The following RBFOX1 variants were observed in gnomAD, a reference collection of about 807,000 sequenced individuals.
RBFOX1 encodes RNA binding fox-1 homolog 1, also known as RNA binding protein fox-1 homolog 1.
Under a neutral mutation model 57.7 loss-of-function variants are expected in RBFOX1, and 8 were observed. The ratio of observed to expected loss-of-function variants is 0.14; its 90% CI spans 0.08 to 0.25. The LOEUF (loss-of-function observed/expected upper bound fraction) is 0.25, where lower values mean the gene tolerates loss of function less well. Ranked by LOEUF, RBFOX1 falls within the 10% of genes least tolerant of loss-of-function variation. RBFOX1 has a pLI of 1.00. For missense variants in RBFOX1, 611 were observed against 548.5 expected (o/e 1.11, Z -1.14); for synonymous variants, 326 against 222.4 (o/e 1.47, Z -4.15).
intron 2 of RBFOX1, among the ~76,000 whole-genome samples, chr16:6,362,422 C>T (rs1345744732): frequency 1.3e-5 from 2 of 152,102 alleles, no homozygotes; most frequent in African/African-American, 4.8e-5. Context: ...ATAAATAATA[C>T]ATGGTCAGGG....
chr16:5,610,480 A>T (rs964068965), intron 3 of RBFOX1: 2 of 152,220 alleles, frequency 1.3e-5, no homozygotes, highest in African/African-American at 4.8e-5. Flanking sequence ...CGGTTTACCT[A>T]AAACTGTGGT....
intron 4 of RBFOX1, among the ~76,000 whole-genome samples, chr16:7,139,389 A>G (rs1012541779): frequency 6.6e-6 from 1 of 152,084 alleles, no homozygotes; most frequent in African/African-American, 2.4e-5. Flanking sequence ...TCATCCCTCC[A>G]CTAACTCTAT....
At chr16:5,370,357 C>T (rs1357595711) in intron 1 of RBFOX1, among the ~76,000 whole-genome samples, 4 of 152,138 alleles carry the variant, frequency 2.6e-5, no homozygotes, top group Admixed American at 1.3e-4. Flanking sequence ...AGCTGTTTGA[C>T]GTCCTCCCTG....
intron 3 of RBFOX1, among the ~76,000 whole-genome samples, chr16:5,800,078 T>C (rs2151751028): frequency 6.6e-6 from 1 of 152,156 alleles, no homozygotes; most frequent in East Asian, 1.9e-4. Flanking sequence ...CATATACATG[T>C]CCTACTTATA....
intron 4 of RBFOX1, among the ~76,000 whole-genome samples, chr16:7,364,804 T>C (rs138633328): frequency 6.6e-6 from 1 of 152,306 alleles, no homozygotes; most frequent in East Asian, 1.9e-4. Flanking sequence ...AAGAAATCTT[T>C]AGAGCTCCCA....
At chr16:7,104,650 C>T (rs1340646134) in intron 4 of RBFOX1, among the ~76,000 whole-genome samples, 1 of 152,118 alleles carries the variant, frequency 6.6e-6, no homozygotes, top group Non-Finnish European at 1.5e-5. Flanking sequence ...TACATCGGGA[C>T]ACCAGAAAGA....
intron 14 of RBFOX1, among the ~76,000 whole-genome samples, chr16:7,695,098 C>T (rs1040771193): frequency 6.6e-6 from 1 of 152,128 alleles, no homozygotes; most frequent in Non-Finnish European, 1.5e-5. Flanking sequence ...ATCTAGATGG[C>T]TGCTCAGTAA....
intron 3 of RBFOX1, among the ~76,000 whole-genome samples, chr16:6,913,140 G>A (rs1438280576): frequency 5.9e-5 from 9 of 152,156 alleles, no homozygotes; most frequent in South Asian, 2.1e-4. Flanking sequence ...AAGAAGACAC[G>A]TTTTTTTGTT....
At chr16:6,537,969 G>A (rs1211890880) in intron 2 of RBFOX1, among the ~76,000 whole-genome samples, 1 of 151,740 alleles carries the variant, frequency 6.6e-6, no homozygotes, top group East Asian at 1.9e-4. Flanking sequence ...GAACTCTACA[G>A]TGATTTGCAG....
At chr16:6,529,213 C>T (rs1305054226) in intron 2 of RBFOX1, among the ~76,000 whole-genome samples, 2 of 152,062 alleles carry the variant, frequency 1.3e-5, no homozygotes, top group Admixed American at 6.6e-5. Context: ...TTATTGTAAA[C>T]TACTTTTCAA....
intron 1 of RBFOX1, among the ~76,000 whole-genome samples, chr16:6,238,007 C>T (rs560636206): frequency 6.1e-5 from 9 of 147,268 alleles, no homozygotes. Context: ...AGGAGAATGA[C>T]TTGAACCTGG....
intron 4 of RBFOX1, among the ~76,000 whole-genome samples, chr16:7,132,169 TG>T (rs1388208522): frequency 6.6e-6 from 1 of 151,924 alleles, no homozygotes; most frequent in Non-Finnish European, 1.5e-5. Flanking sequence ...TTAATGGAGA[TG>T]GGGTTTTCCC....
At chr16:5,336,978 C>T (rs1437959267) in intron 1 of RBFOX1, among the ~76,000 whole-genome samples, 2 of 152,188 alleles carry the variant, frequency 1.3e-5, no homozygotes, top group Non-Finnish European at 2.9e-5. Flanking sequence ...GCTAGAGCTC[C>T]GGGAGATTTA....
chr16:5,537,330 A>T (rs533963316), intron 2 of RBFOX1, among the ~76,000 whole-genome samples: 1 of 152,354 alleles, frequency 6.6e-6, no homozygotes, highest in South Asian at 2.1e-4. Flanking sequence ...TTACAGCAGC[A>T]CATCACTTCT....
intron 2 of RBFOX1, among the ~76,000 whole-genome samples, chr16:6,620,179 A>T (rs1253667094): frequency 6.6e-6 from 1 of 152,204 alleles, no homozygotes; most frequent in African/African-American, 2.4e-5. Flanking sequence ...CTAAATTCAA[A>T]ATCAGTCAGA....
At chr16:5,257,142 A>G (rs910262505) in intron 1 of RBFOX1, among the ~76,000 whole-genome samples, 4 of 137,680 alleles carry the variant, frequency 2.9e-5, no homozygotes, top group African/African-American at 8.5e-5. Flanking sequence ...ATTGCTTTGT[A>G]AAAAAACCAA....
chr16:5,311,087 C>G (rs368296547), intron 1 of RBFOX1, among the ~76,000 whole-genome samples: 1 of 152,126 alleles, frequency 6.6e-6, no homozygotes, highest in Non-Finnish European at 1.5e-5. Flanking sequence ...TGAGAACATG[C>G]AGTATTTGGT....
At chr16:5,993,216 G>A (rs1191730359) in intron 4 of RBFOX1, among the ~76,000 whole-genome samples, 1 of 152,168 alleles carries the variant, frequency 6.6e-6, no homozygotes, top group Non-Finnish European at 1.5e-5. Context: ...GTACCTCAGA[G>A]TAACTGTTAC....
At chr16:7,526,142 G>C (rs2152316074) in intron 5 of RBFOX1, among the ~76,000 whole-genome samples, 1 of 152,274 alleles carries the variant, frequency 6.6e-6, no homozygotes, top group South Asian at 2.1e-4. Flanking sequence ...TCTAGATTGT[G>C]TGCTCCTTAT....
Sources: gnomAD v4.1 joint callset for allele counts (sites outside exome capture counted in the v4.1 genomes callset) on GRCh38, gnomAD v4.1.1 for gene constraint, MANE v1.5 for transcripts, NCBI Gene and HGNC (gene_info 2026-07-23, HGNC 2026-07-21) for gene names.